MSTO1: variants seen among roughly 807,000 people sequenced by gnomAD.
MSTO1 encodes the protein misato mitochondrial distribution and morphology regulator 1.
MSTO1 carries 24 observed loss-of-function variants against 55.7 expected under a neutral mutation model. The observed-to-expected ratio is 0.43, with a 90% CI of 0.31 to 0.61. MSTO1 has a LOEUF of 0.61. Among genes scored for constraint, MSTO1 ranks in the 20% least tolerant of loss-of-function variants. MSTO1 has a pLI of 0.09. For synonymous variants in MSTO1, 162 were observed against 252.8 expected (o/e 0.64, Z 3.41); for missense variants, 363 against 625.7 (o/e 0.58, Z 4.48).
At chr1:155,577,015 CAAAAAAAAAAAAAAAAA>C in the MSTO1 span, among the ~76,000 whole-genome samples, 2 of 34,642 alleles carry the variant, frequency 5.8e-5, no homozygotes, top group African/African-American at 2.3e-4. Context: ...AACTCCGTCT[CAAAAAAAAAAAAAAAAA>C]AAAAAAAAAA....
chr1:155,600,762 C>T, the MSTO1 span, among the ~76,000 whole-genome samples: 1 of 152,168 alleles, frequency 6.6e-6, no homozygotes, highest in African/African-American at 2.4e-5. Flanking sequence ...TGGCAAGCTC[C>T]GCCTCCCAGG....
the MSTO1 span, chr1:155,590,877 C>A: frequency 6.2e-7 from 1 of 1,611,688 alleles, no homozygotes; most frequent in Non-Finnish European, 8.5e-7. Flanking sequence ...GTGTCAGGAC[C>A]CCTGAGGTGA....
At chr1:155,611,489 A>T (rs764450880) in intron 4 of MSTO1, 60 bp from the exon 5 acceptor site, 8 of 1,613,748 alleles carry the variant, frequency 5.0e-6, no homozygotes, top group Non-Finnish European at 6.8e-6. Flanking sequence ...AAGGAGGACG[A>T]AGCAACCTTT....
chr1:155,609,579 G>A (rs1431225855), upstream of MSTO1, among the ~76,000 whole-genome samples: 4 of 152,212 alleles, frequency 2.6e-5, no homozygotes, highest in African/African-American at 7.2e-5. Context: ...CAGTGGTGGC[G>A]TATTCATACA....
the MSTO1 span, among the ~76,000 whole-genome samples, chr1:155,578,425 G>A: frequency 1.7e-5 from 2 of 120,906 alleles, no homozygotes; most frequent in African/African-American, 6.3e-5. Flanking sequence ...TGCAACCTCC[G>A]CCTCCCAGGT....
rs1675228920 is a variant in MSTO1, at chr1:155,614,668, C to A, written c.*395C>A. 2.0e-6 allele frequency: 3 copies of A among 1,529,436 alleles called. No individual in the cohort carries two copies. The South Asian group carries it at 3.4e-5, about 17-fold the overall frequency. The allele number at this position is 1,529,436 out of a possible 1,614,324, so 94.7% of individuals were successfully genotyped here. Reference sequence around the variant, plus strand: ...AAGCAGAGTACAACTACCCGCCTCCCCGGTGCCAGGGCGCCTGTTGGGTTT... The same window carrying A: ...AAGCAGAGTACAACTACCCGCCTCCACGGTGCCAGGGCGCCTGTTGGGTTT... On this transcript the variant is annotated 3_prime_UTR_variant, in exon 14 of 14. Transcript: ENST00000245564.
At chr1:155,609,444 TTC>T, upstream of MSTO1, among the ~76,000 whole-genome samples, 1 of 150,436 alleles carries the variant, frequency 6.6e-6, no homozygotes, top group East Asian at 2.0e-4. Flanking sequence ...GAGATGGGGT[TTC>T]ACCGTGTTAG....
the MSTO1 span, chr1:155,602,102 G>C: frequency 1.4e-6 from 1 of 703,486 alleles, no homozygotes; most frequent in East Asian, 2.8e-5. Flanking sequence ...TTGCCGGGAT[G>C]TTCTGCAGTC....
At chr1:155,568,684 C>T in the MSTO1 span, among the ~76,000 whole-genome samples, 2 of 152,012 alleles carry the variant, frequency 1.3e-5, no homozygotes, top group South Asian at 4.2e-4. Context: ...GTGATCCACC[C>T]GCCTCAGTCT....
At chr1:155,592,662 T>C in the MSTO1 span, among the ~76,000 whole-genome samples, 1 of 151,952 alleles carries the variant, frequency 6.6e-6, no homozygotes, top group Non-Finnish European at 1.5e-5. Flanking sequence ...CAAGTGATTC[T>C]TGTGCCTCAG....
chr1:155,581,919 G>A, the MSTO1 span, among the ~76,000 whole-genome samples: 13 of 149,794 alleles, frequency 8.7e-5, no homozygotes, highest in East Asian at 7.9e-4. Flanking sequence ...TCAGCCTTCC[G>A]AGTAGCTGGG....
Position 155,613,473 on chromosome 1 carries a change from C to T in MSTO1, c.1295C>T (p.Pro432Leu). The T allele has an allele frequency of 6.2e-7, 1 of 1,614,082 alleles. No homozygotes were observed. The highest frequency in any genetic ancestry group is 8.5e-7 in the Non-Finnish European group (1 of 1,179,978). ...CTTTGTTCTGGCAGCCAGCTCACCC[C>T]AGGGACACCTCCACCCTCTGCCCTT... The part of the protein sequence containing the change: ...DRACHTSQLT[P>L]GTPPPSALHA... Residue 432 changes from proline (P) to leucine (L), a missense_variant, in exon 12 of 14, where the codon CCA (proline) becomes CTA (leucine). Physicochemically the swap from Pro to Leu is moderately conservative, Grantham distance 98. This residue lies in a region of MSTO1 where 231 missense variants were observed against 286.9 expected (regional missense o/e 0.81). Transcript: ENST00000245564.
chr1:155,566,143 C>T, the MSTO1 span: 1 of 152,222 alleles, frequency 6.6e-6, no homozygotes, highest in Non-Finnish European at 1.5e-5. Flanking sequence ...CGTCGAAGCT[C>T]CCTTTCTTCA....
upstream of MSTO1, among the ~76,000 whole-genome samples, chr1:155,609,217 GTATATA>G (rs777579171): frequency 0.023 from 1,933 of 84,400 alleles, 314 homozygotes; most frequent in Middle Eastern, 0.1. Flanking sequence ...ATTATCAGCA[GTATATA>G]TATATATATA....
At chr1:155,572,300 G>A in the MSTO1 span, among the ~76,000 whole-genome samples, 1 of 152,242 alleles carries the variant, frequency 6.6e-6, no homozygotes, top group East Asian at 1.9e-4. Flanking sequence ...TGTTGGGGGA[G>A]GGGACAAAAT....
upstream of MSTO1, among the ~76,000 whole-genome samples, chr1:155,609,243 A>ATATATATATATATATATATATTTTT (rs59756178): frequency 7.3e-5 from 4 of 54,574 alleles, no homozygotes; most frequent in South Asian, 1.1e-3. Flanking sequence ...ATATATATAT[A>ATATATATATATATATATATATTTTT]TTTTTTTTTT....
intron 13 of MSTO1, 121 bp from the exon 14 acceptor site, chr1:155,613,938 A>G: frequency 9.4e-7 from 1 of 1,069,050 alleles, no homozygotes; most frequent in Non-Finnish European, 1.3e-6. Flanking sequence ...AGGGGACAAT[A>G]CACCAAATTT....
At chr1:155,579,220 G>T in the MSTO1 span, among the ~76,000 whole-genome samples, 4 of 151,972 alleles carry the variant, frequency 2.6e-5, no homozygotes, top group Non-Finnish European at 4.4e-5. Flanking sequence ...GGCCGAGGCG[G>T]GAGAATCGCT....
chr1:155,610,123 G>C (rs567453805), upstream of MSTO1: 5 of 886,276 alleles, frequency 5.6e-6, no homozygotes, highest in Non-Finnish European at 8.6e-6. Flanking sequence ...TCTCCAATGG[G>C]AAAGGATGTG....
Sources: gnomAD v4.1 joint callset for allele counts (sites outside exome capture counted in the v4.1 genomes callset) on GRCh38, gnomAD v4.1.1 for gene constraint, gnomAD v4.1.1 regional missense constraint, MANE v1.5 for transcripts, NCBI Gene and HGNC (gene_info 2026-07-23, HGNC 2026-07-21) for gene names.